TAF3: variants seen among roughly 807,000 people sequenced by gnomAD.
TAF3 encodes the protein TATA-box binding protein associated factor 3, also known as transcription initiation factor TFIID subunit 3.
Under a neutral mutation model 80.6 loss-of-function variants are expected in TAF3, and 7 were observed. The ratio of observed to expected loss-of-function variants is 0.09; its 90% CI spans 0.05 to 0.16. The LOEUF (loss-of-function observed/expected upper bound fraction) is 0.16, where lower values mean the gene tolerates loss of function less well. Among genes scored for constraint, TAF3 ranks in the 10% least tolerant of loss-of-function variants. TAF3 has a pLI of 1.00. For missense variants in TAF3, 921 were observed against 1,140.2 expected, an observed-to-expected ratio of 0.81 and a Z score of 2.77; for synonymous variants, 444 against 446.1, an observed-to-expected ratio of 1.00 and a Z score of 0.06.
chr10:7,996,697 A>AT (rs1011938338), intron 4 of TAF3, among the ~76,000 whole-genome samples: 10 of 148,944 alleles, frequency 6.7e-5, no homozygotes, highest in Admixed American at 2.7e-4. Context: ...TCACTCTGGG[A>AT]TTTTTTTTGA....
At chr10:7,932,669 A>ATTTTTTTTTTTTTTTTTTTTTTTTTTTT (rs34907761) in intron 2 of TAF3, among the ~76,000 whole-genome samples, 1 of 78,810 alleles carries the variant, frequency 1.3e-5, no homozygotes, top group Non-Finnish European at 2.3e-5. Flanking sequence ...GTTCCACTTA[A>ATTTTTTTTTTTTTTTTTTTTTTTTTTTT]TTTTTTTTTT....
At chr10:7,993,880 CTTTTT>C (rs953356058) in intron 4 of TAF3, among the ~76,000 whole-genome samples, 1 of 104,416 alleles carries the variant, frequency 9.6e-6, no homozygotes. Context: ...AATATACAAT[CTTTTT>C]TTTTTTTTTT....
chr10:7,884,348 G>A (rs1211084898), intron 2 of TAF3, among the ~76,000 whole-genome samples: 2 of 151,038 alleles, frequency 1.3e-5, no homozygotes, highest in East Asian at 3.9e-4. Context: ...TGTACTTCCA[G>A]CTTTAGCCCT....
At chr10:8,004,876 C>A (rs1265372827) in intron 4 of TAF3, among the ~76,000 whole-genome samples, 1 of 152,108 alleles carries the variant, frequency 6.6e-6, no homozygotes, top group Non-Finnish European at 1.5e-5. Flanking sequence ...CGTCTCTGCC[C>A]CATTTTTCTT....
intron 2 of TAF3, among the ~76,000 whole-genome samples, chr10:7,902,746 C>T (rs781140966): frequency 5.3e-5 from 8 of 152,072 alleles, no homozygotes; most frequent in African/African-American, 1.4e-4. Flanking sequence ...TCTGATCCTC[C>T]GCGTTCATTT....
chr10:7,818,896 G>A (rs1422917564), intron 1 of TAF3, 21 bp downstream of exon 1: 29 of 1,389,704 alleles, frequency 2.1e-5, no homozygotes, highest in East Asian at 3.0e-5. Flanking sequence ...GGCTGGGTGC[G>A]GGAGGGCTGC....
At chr10:7,904,379 A>G (rs1256837791) in intron 2 of TAF3, among the ~76,000 whole-genome samples, 2 of 151,942 alleles carry the variant, frequency 1.3e-5, no homozygotes, top group East Asian at 1.9e-4. Context: ...TCTTTGATGT[A>G]TTTTTTTCTT....
chr10:7,834,680 G>A (rs1031899307), intron 2 of TAF3, among the ~76,000 whole-genome samples: 3 of 151,994 alleles, frequency 2.0e-5, no homozygotes, highest in Non-Finnish European at 4.4e-5. Context: ...CATCCATACT[G>A]AGAATTCTGG....
At chr10:7,867,539 G>C (rs1207932427) in intron 2 of TAF3, among the ~76,000 whole-genome samples, 1 of 152,130 alleles carries the variant, frequency 6.6e-6, no homozygotes, top group South Asian at 2.1e-4. Context: ...GTTCTGGAGG[G>C]TGTGTAGAAT....
At chr10:7,868,719 A>G (rs1187034737) in intron 2 of TAF3, among the ~76,000 whole-genome samples, 2 of 152,260 alleles carry the variant, frequency 1.3e-5, no homozygotes, top group East Asian at 1.9e-4. Flanking sequence ...GATCATCTAT[A>G]TAAAGATCCT....
At position 8,015,327 on chromosome 10, in the gene TAF3, C is replaced by T. The variant is rs1832094086; in HGVS notation, c.*576C>T. Reference sequence around the variant, plus strand: ...AAATGTTCAGGCTTTTGTGAAATACCTTATATTTTTTAAGAAAAAGGTTTC... The same window carrying T: ...AAATGTTCAGGCTTTTGTGAAATACTTTATATTTTTTAAGAAAAAGGTTTC... On this transcript the variant is annotated 3_prime_UTR_variant, in exon 7 of 7. Transcript: ENST00000344293. The T allele has an allele frequency of 6.6e-6, 1 of 152,056 alleles. No individual in the cohort carries two copies. The highest frequency in any genetic ancestry group is 2.4e-5 in the African/African-American group (1 of 41,394). 9.4% of individuals were successfully genotyped at this position (152,056 alleles called of 1,614,324 possible).
intron 2 of TAF3, among the ~76,000 whole-genome samples, chr10:7,947,669 A>G (rs2131401077): frequency 6.6e-6 from 1 of 152,330 alleles, no homozygotes; most frequent in South Asian, 2.1e-4. Context: ...TTTGAGAAGC[A>G]TCGAAGATGC....
At chr10:7,985,345 C>T (rs1357964342) in intron 4 of TAF3, among the ~76,000 whole-genome samples, 2 of 152,166 alleles carry the variant, frequency 1.3e-5, no homozygotes, top group Non-Finnish European at 2.9e-5. Context: ...TTGCCTGCCC[C>T]GGCTGGAACT....
Position 7,856,445 on chromosome 10 carries a change from A to T in TAF3, c.409+31885A>T, listed in dbSNP as rs1167161561. Among the ~76,000 whole-genome samples, 3 of 152,188 alleles carry T rather than the reference A, an allele frequency of 2.0e-5. No individual in the cohort carries two copies. The East Asian group carries it at 5.8e-4, about 29-fold the overall frequency. ...CAGTGAGCCGAGATCATGCCACTGC[A>T]CTCCAGCCTGGGCAGATGACACAGG... On this transcript the variant is annotated intron_variant, in intron 2 of 6. Transcript: ENST00000344293.
chr10:7,997,600 G>C (rs1476567605), intron 4 of TAF3, among the ~76,000 whole-genome samples: 1 of 152,168 alleles, frequency 6.6e-6, no homozygotes, highest in African/African-American at 2.4e-5. Flanking sequence ...CCTTCTGCAC[G>C]TTTTTATGAA....
chr10:7,940,905 G>A (rs903930953), intron 2 of TAF3, among the ~76,000 whole-genome samples: 1 of 151,178 alleles, frequency 6.6e-6, no homozygotes, highest in Non-Finnish European at 1.5e-5. Flanking sequence ...GCTGCAGTGA[G>A]CTATGATCAC....
At chr10:7,889,457 G>T (rs2131161819) in intron 2 of TAF3, among the ~76,000 whole-genome samples, 1 of 152,284 alleles carries the variant, frequency 6.6e-6, no homozygotes. Context: ...GGAAGCAGAG[G>T]CAGAAAGAAG....
At chr10:7,892,818 C>CTTTTT (rs1020623158) in intron 2 of TAF3, among the ~76,000 whole-genome samples, 1 of 137,166 alleles carries the variant, frequency 7.3e-6, no homozygotes, top group Non-Finnish European at 1.6e-5. Context: ...TTTTCTTTTT[C>CTTTTT]TTTTTTTTTT....
At chr10:7,854,630 G>A (rs570210023) in intron 2 of TAF3, among the ~76,000 whole-genome samples, 40 of 138,532 alleles carry the variant, frequency 2.9e-4, no homozygotes, top group African/African-American at 8.9e-4. Flanking sequence ...AAATTTCAGT[G>A]AAGAGAACTG....
Sources: allele counts gnomAD v4.1 joint callset (sites outside exome capture counted in the v4.1 genomes callset), GRCh38; gene constraint gnomAD v4.1.1; transcripts MANE v1.5; gene names NCBI Gene and HGNC (gene_info 2026-07-23, HGNC 2026-07-21).